The following SAMD5 variants were observed in gnomAD, a reference collection of about 807,000 sequenced individuals.
SAMD5 encodes the protein sterile alpha motif domain containing 5.
SAMD5 carries 13 observed loss-of-function variants against 11.3 expected under a neutral mutation model. The ratio of observed to expected loss-of-function variants is 1.15; its 90% CI spans 0.75 to 1.83. The LOEUF is 1.83. Among genes scored for constraint, SAMD5 ranks in the 40% most tolerant of loss-of-function variants. The probability of loss-of-function intolerance (pLI) is 0.00; values close to 1 mark genes in which losing one functional copy is unlikely to be tolerated. For synonymous variants in SAMD5, 129 were observed against 111.3 expected, an observed-to-expected ratio of 1.16 and a Z score of -1.00; for missense variants, 255 against 239.1, an observed-to-expected ratio of 1.07 and a Z score of -0.44.
chr6:147,650,533 T>A (rs1370857913), intron 1 of SAMD5, among the ~76,000 whole-genome samples: 2 of 152,180 alleles, frequency 1.3e-5, no homozygotes, highest in Non-Finnish European at 2.9e-5. Context: ...GAGATTGGGT[T>A]TCACCCTAAG....
chr6:147,565,010 G>T lies in SAMD5; in HGVS notation c.*554G>T, dbSNP rs1789014033. ...TTGGTGAAGGAATTCTTATTTTAAG[G>T]TGCTTTTATATAGTTATTTTGTATA... On this transcript the variant is annotated 3_prime_UTR_variant, in exon 2 of 2. Transcript: ENST00000367474. The T allele has an allele frequency of 1.1e-6, 1 of 908,434 alleles. No homozygotes were observed. The highest frequency in any genetic ancestry group is 1.8e-5 in the African/African-American group (1 of 55,406). The allele number at this position is 908,434 out of a possible 1,614,324, so 56.3% of individuals were successfully genotyped here.
At chr6:147,592,315 T>C (rs1583098481) in intron 1 of SAMD5, among the ~76,000 whole-genome samples, 1 of 152,016 alleles carries the variant, frequency 6.6e-6, no homozygotes. Context: ...CTGCAGAAGG[T>C]TTCTCTCCCA....
At chr6:147,578,322 A>T (rs1173921450) in intron 1 of SAMD5, among the ~76,000 whole-genome samples, 1 of 152,154 alleles carries the variant, frequency 6.6e-6, no homozygotes, top group East Asian at 1.9e-4. Context: ...GACTTCATAA[A>T]CAGGAAATAA....
At chr6:147,542,232 A>C (rs538903055) in intron 1 of SAMD5, among the ~76,000 whole-genome samples, 152 of 152,344 alleles carry the variant, frequency 1.0e-3, no homozygotes, top group South Asian at 1.7e-3. Flanking sequence ...AGTCCCCAGA[A>C]CTAGGTGGCC....
At chr6:147,864,459 A>G in the SAMD5 span, among the ~76,000 whole-genome samples, 1 of 152,254 alleles carries the variant, frequency 6.6e-6, no homozygotes, top group African/African-American at 2.4e-5. Flanking sequence ...GCAGTGCTCC[A>G]CACAGTAACA....
At chr6:147,830,247 CTTTCTTT>C in the SAMD5 span, among the ~76,000 whole-genome samples, 2 of 116,240 alleles carry the variant, frequency 1.7e-5, no homozygotes, top group Non-Finnish European at 3.6e-5. Context: ...TTCTTTCTTT[CTTTCTTT>C]TTTTTTTTTT....
intron 1 of SAMD5, among the ~76,000 whole-genome samples, chr6:147,721,736 G>T (rs1490879368): frequency 1.3e-5 from 2 of 152,092 alleles, no homozygotes; most frequent in African/African-American, 4.8e-5. Flanking sequence ...GGCTTTTGTT[G>T]CCATTGCTAA....
chr6:147,748,388 C>A, the SAMD5 span, among the ~76,000 whole-genome samples: 1 of 152,178 alleles, frequency 6.6e-6, no homozygotes, highest in African/African-American at 2.4e-5. Flanking sequence ...AGTCTCCTCA[C>A]CTGTGCCAAG....
the SAMD5 span, among the ~76,000 whole-genome samples, chr6:147,879,562 C>A: frequency 6.6e-6 from 1 of 152,142 alleles, no homozygotes; most frequent in Non-Finnish European, 1.5e-5. Flanking sequence ...TTTCAATTGG[C>A]AAAGATAATA....
the SAMD5 span, among the ~76,000 whole-genome samples, chr6:147,768,670 G>A: frequency 1.2e-4 from 18 of 152,118 alleles, no homozygotes; most frequent in Admixed American, 1.3e-4. Flanking sequence ...AATAAATCAT[G>A]TATATCTAGA....
chr6:147,816,301 A>AAAAAAAATATATATATAT, the SAMD5 span, among the ~76,000 whole-genome samples: 3 of 66,356 alleles, frequency 4.5e-5, no homozygotes, highest in East Asian at 8.9e-4. Flanking sequence ...AAAAAAAAAA[A>AAAAAAAATATATATATAT]ATATATATAT....
chr6:147,529,228 T>C (rs1788390011), intron 1 of SAMD5, among the ~76,000 whole-genome samples: 1 of 152,236 alleles, frequency 6.6e-6, no homozygotes, highest in African/African-American at 2.4e-5. Flanking sequence ...TATTAGTATT[T>C]GCATTTATAT....
intron 1 of SAMD5, among the ~76,000 whole-genome samples, chr6:147,586,167 A>T (rs896385752): frequency 2.6e-5 from 4 of 152,148 alleles, no homozygotes; most frequent in Admixed American, 2.0e-4. Flanking sequence ...TTACATAGGG[A>T]TCATACGCTC....
At chr6:147,732,552 C>A (rs980008880) in intron 1 of SAMD5, among the ~76,000 whole-genome samples, 6 of 152,180 alleles carry the variant, frequency 3.9e-5, no homozygotes, top group Admixed American at 3.9e-4. Context: ...GCTTGGCCTG[C>A]TCATACAGCT....
At chr6:147,656,841 C>A (rs1790575302) in intron 1 of SAMD5, among the ~76,000 whole-genome samples, 2 of 151,792 alleles carry the variant, frequency 1.3e-5, no homozygotes, top group South Asian at 2.1e-4. Context: ...GGTTTCTATC[C>A]TAGCAATCCC....
chr6:147,814,804 T>C, the SAMD5 span, among the ~76,000 whole-genome samples: 1 of 152,200 alleles, frequency 6.6e-6, no homozygotes, highest in South Asian at 2.1e-4. Context: ...TAAACCTTGA[T>C]CTGAAAATAT....
At chr6:147,808,754 T>C in the SAMD5 span, among the ~76,000 whole-genome samples, 1 of 152,200 alleles carries the variant, frequency 6.6e-6, no homozygotes, top group Non-Finnish European at 1.5e-5. Flanking sequence ...TTAATGTTAT[T>C]TCATCAGCTG....
chr6:147,540,122 C>T (rs769835437), intron 1 of SAMD5, among the ~76,000 whole-genome samples: 7 of 151,692 alleles, frequency 4.6e-5, no homozygotes, highest in African/African-American at 7.3e-5. Flanking sequence ...TTTAGAATGT[C>T]CCCCAGGGTA....
the SAMD5 span, among the ~76,000 whole-genome samples, chr6:147,876,360 G>T: frequency 6.6e-6 from 1 of 152,156 alleles, no homozygotes; most frequent in Non-Finnish European, 1.5e-5. Context: ...CAGAAAGTAT[G>T]TCAGTGAACA....
Sources: allele counts gnomAD v4.1 joint callset (sites outside exome capture counted in the v4.1 genomes callset), GRCh38; gene constraint gnomAD v4.1.1; transcripts MANE v1.5; gene names NCBI Gene and HGNC (gene_info 2026-07-23, HGNC 2026-07-21).